Variants in CSDC2 observed in about 807,000 individuals in gnomAD.
CSDC2 encodes the protein cold shock domain-containing protein C2.
In CSDC2, 8 loss-of-function variants were observed where a neutral mutation model predicts 15.8. The observed-to-expected ratio is 0.51, with a 90% CI of 0.30 to 0.92. The LOEUF (loss-of-function observed/expected upper bound fraction) is 0.92. Ranked by LOEUF, CSDC2 falls within the 40% of genes least tolerant of loss-of-function variation. CSDC2 has a pLI of 0.07. For synonymous variants in CSDC2, 96 were observed against 92.3 expected (o/e 1.04, Z -0.23); for missense variants, 195 against 213.3 (o/e 0.91, Z 0.53).
chr22:41,566,029 G>A (rs1243804215), intron 1 of CSDC2, among the ~76,000 whole-genome samples: 1 of 152,080 alleles, frequency 6.6e-6, no homozygotes, highest in African/African-American at 2.4e-5. Context: ...AGTTGGCCGG[G>A]CGCAGTGGCT....
Position 41,572,934 on chromosome 22 carries a change from G to A in CSDC2, c.177-721G>A, listed in dbSNP as rs536024765. ...TCTGTTGCCCAGGCTGGAGTGCAGT[G>A]GTGCAGTCATGGCTCACTGCAGCCT... On this transcript the variant is annotated intron_variant, in intron 2 of 3. Transcript: ENST00000306149. Among the ~76,000 whole-genome samples the A allele has an allele frequency of 2.5e-4, 38 of 152,260 alleles. No individual in the cohort carries two copies. The South Asian group carries it at 7.9e-3, about 32-fold the overall frequency.
At chr22:41,570,678 C>G (rs1004405772) in intron 1 of CSDC2, among the ~76,000 whole-genome samples, 3 of 151,778 alleles carry the variant, frequency 2.0e-5, no homozygotes, top group Middle Eastern at 3.4e-3. Context: ...ACAAATTAGC[C>G]AGGCGTGTTG....
intron 2 of CSDC2, 24 bp downstream of exon 2, chr22:41,572,165 G>T: frequency 1.6e-6 from 2 of 1,287,136 alleles, no homozygotes; most frequent in Non-Finnish European, 2.0e-6. Context: ...CCTTGCCCAG[G>T]CCCCTGACCC....
intron 1 of CSDC2, among the ~76,000 whole-genome samples, chr22:41,565,040 T>A (rs776917017): frequency 3.2e-4 from 49 of 151,792 alleles, no homozygotes; most frequent in Non-Finnish European, 1.0e-4. Context: ...GTGGTGAGCG[T>A]CTGTGATCCC....
chr22:41,569,730 T>G (rs1301892552), intron 1 of CSDC2, among the ~76,000 whole-genome samples: 3 of 151,688 alleles, frequency 2.0e-5, no homozygotes, highest in Non-Finnish European at 2.9e-5. Flanking sequence ...GAATGAGCAC[T>G]GGTGTGACCA....
At chr22:41,570,982 CAAA>C (rs527329866) in intron 1 of CSDC2, among the ~76,000 whole-genome samples, 4 of 82,402 alleles carry the variant, frequency 4.9e-5, no homozygotes, top group African/African-American at 4.6e-5. Flanking sequence ...GACCATGTCT[CAAA>C]AAAAAAAAAA....
At position 41,573,671 on chromosome 22, in the gene CSDC2, G is replaced by T; in HGVS notation, c.193G>T (p.Ala65Ser). 1.2e-6 allele frequency: 2 copies of T among 1,613,246 alleles called. No homozygotes were observed. The highest frequency in any genetic ancestry group is 1.7e-6 in the Non-Finnish European group (2 of 1,179,580). Residue 65 changes from alanine (A) to serine (S), a missense_variant, in exon 3 of 4, where the codon GCT (alanine) becomes TCT (serine). By Grantham distance (99) the Ala-to-Ser change is moderately conservative. Transcript: ENST00000306149. ...RTYSATARAS[A>S]GPVFKGVCKQ... ...TATCTCCAGGACAGCCCGGGCCTCA[G>T]CTGGCCCCGTGTTCAAGGGCGTCTG...
intron 1 of CSDC2, among the ~76,000 whole-genome samples, chr22:41,571,041 A>T (rs185655319): frequency 4.7e-4 from 71 of 152,118 alleles, no homozygotes; most frequent in African/African-American, 1.6e-3. Flanking sequence ...ACAGAAAATA[A>T]GAGTCAGAAG....
chr22:41,574,795 C>T lies in CSDC2; in HGVS notation c.362C>T (p.Pro121Leu). 6.2e-7 allele frequency: 1 copy of T among 1,613,864 alleles called. No homozygotes were observed. Among genetic ancestry groups the T allele is most frequent in the Non-Finnish European group, 8.5e-7 (1 of 1,180,012 alleles). ...DEVTYKMCPI[P>L]PKNQKFQAVE... ...GTGACCTACAAGATGTGCCCTATCC[C>T]TCCCAAGAACCAGAAGTTCCAGGCC... The change falls in exon 4 of 4, where the codon CCT (proline) becomes CTT (leucine). Residue 121 changes from proline (P) to leucine (L), a missense_variant. Pro to Leu is a moderately conservative substitution (Grantham distance 98). Transcript: ENST00000306149.
chr22:41,573,170 A>G (rs903889308), intron 2 of CSDC2, among the ~76,000 whole-genome samples: 3 of 152,182 alleles, frequency 2.0e-5, no homozygotes, highest in South Asian at 2.1e-4. Context: ...ATGGCCAAAC[A>G]CTGCAAAACC....
chr22:41,573,771 T>A lies in CSDC2; in HGVS notation c.293T>A (p.Val98Glu). 1.9e-6 allele frequency: 3 copies of A among 1,612,378 alleles called. No individual in the cohort carries two copies. The highest frequency in any genetic ancestry group is 2.5e-6 in the Non-Finnish European group (3 of 1,178,988). The change falls in exon 3 of 4, where the codon GTG (valine) becomes GAG (glutamate). Residue 98 changes from valine to glutamate, a missense_variant. Transcript: ENST00000306149. ...GGGTCCGAGGACATCTTCGTACATG[T>A]GTCTGAGTGAGTCCCCTCCACCTCC... ...ENGSEDIFVH[V>E]SDIEGEYVPV...
chr22:41,563,549 G>T (rs2067098427), intron 1 of CSDC2, among the ~76,000 whole-genome samples: 1 of 152,060 alleles, frequency 6.6e-6, no homozygotes. Flanking sequence ...CTCACCCAAG[G>T]TCATGGTCTG....
At chr22:41,566,926 C>CA (rs573857754) in intron 1 of CSDC2, among the ~76,000 whole-genome samples, 3,196 of 64,820 alleles carry the variant, frequency 0.049, 107 homozygotes, top group African/African-American at 0.14. Flanking sequence ...TCCTCCGTCT[C>CA]AAAAAAAAAA....
chr22:41,573,591 G>A (rs1173182362), intron 2 of CSDC2, 64 bp from the exon 3 acceptor site: 1 of 1,555,926 alleles, frequency 6.4e-7, no homozygotes. Context: ...GGCCCAGAAT[G>A]GCTGTAGGGA....
In CSDC2 at chr22:41,573,662, C is replaced by G. The variant is rs146150060; in HGVS notation, c.184C>G (p.Arg62Gly). ...CCACTACCCTATCTCCAGGACAGCC[C>G]GGGCCTCAGCTGGCCCCGTGTTCAA... The part of the protein sequence containing the change: ...KRTRTYSATA[R>G]ASAGPVFKGV... The change falls in exon 3 of 4, where the codon CGG becomes GGG. Residue 62 changes from arginine to glycine, a missense_variant. Arg to Gly is a moderately radical substitution (Grantham distance 125). Transcript: ENST00000306149. 1 of 1,612,688 alleles carries G rather than the reference C, an allele frequency of 6.2e-7. No homozygotes were observed. The highest frequency in any genetic ancestry group is 1.3e-5 in the African/African-American group (1 of 74,888).
chr22:41,573,351 T>C (rs1321264649), intron 2 of CSDC2, among the ~76,000 whole-genome samples: 1 of 150,720 alleles, frequency 6.6e-6, no homozygotes, highest in Non-Finnish European at 1.5e-5. Context: ...AAAGACCCTG[T>C]CTCAAAAAAA....
At position 41,574,939 on chromosome 22, in the gene CSDC2, C is replaced by T; in HGVS notation, c.*44C>T. The stretch of plus-strand genomic sequence containing the variant: ...CAGCTGGCCGGGGGTTGGGGAGCCA[C>T]ACAGGGTGAACGGGCAGCAGCCGGC... On this transcript the variant is annotated 3_prime_UTR_variant, in exon 4 of 4. Coordinates refer to ENST00000306149, the MANE Select transcript of CSDC2 (RefSeq NM_014460.4). The T allele has an allele frequency of 6.5e-7, 1 of 1,547,630 alleles. No homozygotes were observed. Among genetic ancestry groups the T allele is most frequent in the Non-Finnish European group, 8.7e-7 (1 of 1,146,090 alleles).
intron 1 of CSDC2, among the ~76,000 whole-genome samples, chr22:41,562,595 G>A (rs2067092958): frequency 6.6e-6 from 1 of 152,056 alleles, no homozygotes; most frequent in East Asian, 1.9e-4. Flanking sequence ...GTGGGGAGGG[G>A]ACACCTGCCA....
rs1395215681 is a variant in CSDC2, at chr22:41,574,845, G to GC, written c.418dup (p.His140ProfsTer17). ...CGTGGAGGTGGTGCTCACTCAGCTGGCCCCCCACACTCCCCACGAGACGTG... is the reference window on the plus strand; with the variant it reads ...CGTGGAGGTGGTGCTCACTCAGCTGGCCCCCCCACACTCCCCACGAGACGTG... On this transcript the variant is annotated frameshift_variant, in exon 4 of 4. Transcript: ENST00000306149. LOFTEE classifies it high-confidence loss of function. 1.2e-6 allele frequency: 2 copies of GC among 1,611,456 alleles called. No homozygotes were observed. The highest frequency in any genetic ancestry group is 1.7e-5 in the Admixed American group (1 of 59,676).
Sources: gnomAD v4.1 joint callset for allele counts (sites outside exome capture counted in the v4.1 genomes callset) on GRCh38, gnomAD v4.1.1 for gene constraint, MANE v1.5 for transcripts, NCBI Gene and HGNC (gene_info 2026-07-23, HGNC 2026-07-21) for gene names.